Variants in MARF1 observed in about 807,000 individuals in gnomAD.
The protein encoded by MARF1 is meiosis regulator and mRNA stability factor 1.
A neutral mutation model predicts 168.2 loss-of-function variants in MARF1; 24 were observed. The ratio of observed to expected loss-of-function variants is 0.14; its 90% CI spans 0.10 to 0.20. The LOEUF (loss-of-function observed/expected upper bound fraction) is 0.20. Among genes scored for constraint, MARF1 ranks in the 10% least tolerant of loss-of-function variants. The pLI, the probability that MARF1 is intolerant of heterozygous loss-of-function variation, is 1.00. For missense variants in MARF1, 1,744 were observed against 2,143.6 expected, an observed-to-expected ratio of 0.81 and a Z score of 3.68; for synonymous variants, 868 against 822.4, an observed-to-expected ratio of 1.06 and a Z score of -0.95.
intron 20 of MARF1, chr16:15,608,803 A>G: frequency 4.7e-6 from 2 of 427,914 alleles, no homozygotes; most frequent in Non-Finnish European, 8.3e-6. Context: ...CTTCAGTAGT[A>G]AAAAAAGAAA....
intron 22 of MARF1, 39 bp downstream of exon 22, chr16:15,604,129 T>C (rs778230527): frequency 6.8e-7 from 1 of 1,460,280 alleles, no homozygotes; most frequent in South Asian, 1.1e-5. Context: ...CAATCGATAG[T>C]TTTCAATGAT....
At chr16:15,632,451 A>G (rs532371128) in intron 5 of MARF1, among the ~76,000 whole-genome samples, 3 of 152,312 alleles carry the variant, frequency 2.0e-5, no homozygotes, top group African/African-American at 7.2e-5. Context: ...GAAAAGAGAG[A>G]TAAGGAAGGT....
In MARF1 at chr16:15,596,884, T is replaced by C. The variant is rs2031762298; in HGVS notation, c.5038A>G (p.Ser1680Gly). 17 of 1,613,672 alleles carry C rather than the reference T, an allele frequency of 1.1e-5. No homozygotes were observed. Among genetic ancestry groups the C allele is most frequent in the Non-Finnish European group, 1.4e-5 (17 of 1,179,726 alleles). Residue 1680 changes from serine (S) to glycine (G), a missense_variant, in exon 27 of 27, where the codon AGC (serine) becomes GGC (glycine). Around this residue, in one of 7 missense-constraint regions of MARF1, gnomAD observed 313 missense variants for 337.4 expected, o/e 0.93. Coordinates refer to ENST00000396368, the MANE Select transcript of MARF1 (RefSeq NM_014647.4). Reference protein sequence around the residue: ...EKMEIPIPGKSKTLTSDSSSS... With the variant: ...EKMEIPIPGKGKTLTSDSSSS... Reference sequence around the variant, plus strand: ...CTGGAGTCAGAGGTCAGAGTTTTGCTCTTTCCTGGTATTGGAATCTCCATT... The same window carrying C: ...CTGGAGTCAGAGGTCAGAGTTTTGCCCTTTCCTGGTATTGGAATCTCCATT...
intron 7 of MARF1, 34 bp downstream of exon 7, chr16:15,630,298 T>C (rs1026953538): frequency 6.3e-7 from 1 of 1,580,094 alleles, no homozygotes; most frequent in South Asian, 1.1e-5. Context: ...AATGTAATAT[T>C]GGAAAATGGC....
chr16:15,633,597 A>G lies in MARF1; in HGVS notation c.1233+20T>C. 1 of 1,430,458 alleles carries G rather than the reference A, an allele frequency of 7.0e-7. No individual in the cohort carries two copies. Among genetic ancestry groups the G allele is most frequent in the African/African-American group, 2.5e-5 (1 of 40,586 alleles). The allele number at this position is 1,430,458 out of a possible 1,614,324, so 88.6% of individuals were successfully genotyped here. On this transcript the variant is annotated intron_variant, in intron 5 of 26. Coordinates refer to ENST00000396368, the MANE Select transcript of MARF1 (RefSeq NM_014647.4). ...TATTCCTCTACTGTAGATTAAAATTATTAAATTTTTTTTTTTTACCTGGCA... is the reference window on the plus strand; with the variant it reads ...TATTCCTCTACTGTAGATTAAAATTGTTAAATTTTTTTTTTTTACCTGGCA...
At chr16:15,621,219 C>T (rs1269848034) in intron 12 of MARF1, among the ~76,000 whole-genome samples, 3 of 152,104 alleles carry the variant, frequency 2.0e-5, no homozygotes, top group South Asian at 2.1e-4. Context: ...CCAGTCTCCC[C>T]GAAACAGGGA....
At chr16:15,632,549 G>C (rs1017528066) in intron 5 of MARF1, among the ~76,000 whole-genome samples, 10 of 152,180 alleles carry the variant, frequency 6.6e-5, no homozygotes, top group African/African-American at 2.4e-4. Flanking sequence ...TCAGGATCTG[G>C]GGTGAGGTGG....
intron 25 of MARF1, 150 bp from the exon 26 acceptor site, chr16:15,599,174 A>G (rs2032137652): frequency 2.7e-6 from 2 of 751,350 alleles, no homozygotes; most frequent in Non-Finnish European, 4.2e-6. Flanking sequence ...AAAAAAAAAA[A>G]ACAAAAACCC....
At position 15,633,704 on chromosome 16, in the gene MARF1, A is replaced by G. The variant is rs2035400340; in HGVS notation, c.1146T>C (p.Phe382=). The G allele has an allele frequency of 6.2e-7, 1 of 1,613,962 alleles. No homozygotes were observed. The highest frequency in any genetic ancestry group is 1.3e-5 in the African/African-American group (1 of 74,892). The change falls in exon 5 of 27, where the codon TTT becomes TTC. Residue 382 remains phenylalanine, a synonymous_variant. Coordinates refer to ENST00000396368, the MANE Select transcript of MARF1 (RefSeq NM_014647.4). ...AVVQRIREKF[F]KGHREAEFIC... ...TGAATTCTGCTTCTCTGTGGCCTTT[A>G]AAAAACTTCTCACGGATTCTTTGCA...
chr16:15,599,168 A>AAC (rs1555519144), intron 25 of MARF1, 144 bp from the exon 26 acceptor site: 18 of 788,868 alleles, frequency 2.3e-5, no homozygotes, highest in African/African-American at 1.5e-4. Flanking sequence ...AAAAAAAAAA[A>AAC]AAAAAAACAA....
In MARF1 at chr16:15,621,787, T is replaced by C; in HGVS notation, c.2585A>G (p.Lys862Arg). Residue 862 changes from lysine to arginine, a missense_variant, in exon 12 of 27, where the codon AAG becomes AGG. Lys to Arg is a conservative substitution (Grantham distance 26, BLOSUM62 2). This residue lies in a region of MARF1 where 543 missense variants were observed against 742.1 expected (regional missense o/e 0.73). Coordinates refer to ENST00000396368, the MANE Select transcript of MARF1 (RefSeq NM_014647.4). ...CCCGGTGGCAAGTGAGACCAGGATC[T>C]TTTTGCTGCCAATTTTGTATCTGTG... ...SLHRYKIGSK[K>R]ILVSLATGAA... The C allele has an allele frequency of 6.2e-7, 1 of 1,614,196 alleles. No homozygotes were observed. Among genetic ancestry groups the C allele is most frequent in the Non-Finnish European group, 8.5e-7 (1 of 1,180,036 alleles).
At chr16:15,631,203 T>C (rs2035230362) in intron 6 of MARF1, among the ~76,000 whole-genome samples, 178 bp downstream of exon 6, 1 of 152,124 alleles carries the variant, frequency 6.6e-6, no homozygotes, top group South Asian at 2.1e-4. Flanking sequence ...AAGGAGGAAA[T>C]ACAGAAATCC....
intron 20 of MARF1, among the ~76,000 whole-genome samples, chr16:15,609,045 C>A (rs1165178320): frequency 6.6e-6 from 1 of 152,180 alleles, no homozygotes; most frequent in Non-Finnish European, 1.5e-5. Context: ...TCAAGACCAG[C>A]CTGGCCAACG....
rs555392023 is a variant in MARF1 at position 15,638,494 on chromosome 16, G to C, written c.144+596C>G. ...CCAGCTACTGAGGAGGCTGAGGCAG[G>C]AGAACTGCTTAAACCTGGGAGGCAG... On this transcript the variant is annotated intron_variant, in intron 2 of 26. Coordinates refer to ENST00000396368, the MANE Select transcript of MARF1 (RefSeq NM_014647.4). Among the ~76,000 whole-genome samples the C allele has an allele frequency of 2.6e-5, 4 of 152,090 alleles. No individual in the cohort carries two copies. In the South Asian group the frequency reaches 8.3e-4, roughly 32 times the overall value.
intron 22 of MARF1, chr16:15,602,452 TAA>T (rs1171224291): frequency 1.7e-6 from 1 of 603,692 alleles, no homozygotes; most frequent in Non-Finnish European, 2.9e-6. Context: ...AAAACGAAGA[TAA>T]AGACGACAAA....
At chr16:15,611,152 T>C (rs752984116) in intron 18 of MARF1, 44 bp from the exon 19 acceptor site, 3 of 1,595,520 alleles carry the variant, frequency 1.9e-6, no homozygotes, top group Non-Finnish European at 1.7e-6. Flanking sequence ...AGTAGTATCA[T>C]CGGTAGAAGA....
At position 15,633,644 on chromosome 16, in the gene MARF1, T is replaced by C. The variant is rs2035397560; in HGVS notation, c.1206A>G (p.Glu402=). 1.9e-6 allele frequency: 3 copies of C among 1,612,364 alleles called. No homozygotes were observed. The highest frequency in any genetic ancestry group is 1.3e-5 in the African/African-American group (1 of 74,842). The change falls in exon 5 of 27, where the codon GAA becomes GAG. Residue 402 remains glutamate (E), a synonymous_variant. Coordinates refer to ENST00000396368, the MANE Select transcript of MARF1 (RefSeq NM_014647.4). The stretch of plus-strand genomic sequence containing the variant: ...GGCAATTATTCAGCTCTTGAATAAC[T>C]TCCTTGTTTTCTTTACTGATGTCAC... ...CVCDISKENK[E]VIQELNNCQV...
At position 15,620,537 on chromosome 16, in the gene MARF1, A is replaced by G. The variant is rs758131621; in HGVS notation, c.2640-6T>C. ...GAACAGACATTGTTTCTGCACTGTAAAACAGAAGTTTGATTAGGGAACAGA... is the reference window on the plus strand; with the variant it reads ...GAACAGACATTGTTTCTGCACTGTAGAACAGAAGTTTGATTAGGGAACAGA... On this transcript the variant is annotated splice_region_variant and splice_polypyrimidine_tract_variant and intron_variant, in intron 12 of 26. Transcript: ENST00000396368. 1 of 1,602,970 alleles carries G rather than the reference A, an allele frequency of 6.2e-7. No individual in the cohort carries two copies. The highest frequency in any genetic ancestry group is 8.5e-7 in the Non-Finnish European group (1 of 1,172,282).
chr16:15,608,829 G>C, intron 20 of MARF1: 1 of 378,186 alleles, frequency 2.6e-6, no homozygotes. Context: ...ATCAACAACA[G>C]AAATTTGGTT....
Sources: gnomAD v4.1 joint callset for allele counts (sites outside exome capture counted in the v4.1 genomes callset) on GRCh38, gnomAD v4.1.1 for gene constraint, gnomAD v4.1.1 regional missense constraint, MANE v1.5 for transcripts, NCBI Gene and HGNC (gene_info 2026-07-23, HGNC 2026-07-21) for gene names.